SLC67A2: variants seen among roughly 807,000 people sequenced by gnomAD.
SLC67A2 encodes the protein solute carrier family 67 member 2.
the SLC67A2 span, chr2:102,727,003 C>T: frequency 2.5e-6 from 4 of 1,606,952 alleles, no homozygotes; most frequent in African/African-American, 1.3e-5. Flanking sequence ...AGCCCTTGGA[C>T]CCCATTCACA....
At chr2:102,728,124 A>T in the SLC67A2 span, among the ~76,000 whole-genome samples, 117,402 of 151,542 alleles carry the variant, frequency 0.77, 45,350 homozygotes, top group Admixed American at 0.8. Flanking sequence ...TGGGTGAAGC[A>T]ATGTTTGAAA....
the SLC67A2 span, chr2:102,723,779 G>A: frequency 2.5e-6 from 4 of 1,614,160 alleles, no homozygotes; most frequent in East Asian, 4.5e-5. Context: ...GATAGCCACC[G>A]ACCACGGGGC....
the SLC67A2 span, chr2:102,732,186 T>G: frequency 2.5e-6 from 2 of 799,828 alleles, no homozygotes; most frequent in Non-Finnish European, 4.4e-6. Flanking sequence ...TTTTAAAATA[T>G]TCTGGAAATT....
chr2:102,732,390 A>G, the SLC67A2 span: 1 of 1,612,240 alleles, frequency 6.2e-7, no homozygotes, highest in Non-Finnish European at 8.5e-7. Flanking sequence ...AGGCACAACC[A>G]TGCTGACACC....
chr2:102,723,274 A>T, the SLC67A2 span, among the ~76,000 whole-genome samples: 1,436 of 152,312 alleles, frequency 9.4e-3, 32 homozygotes, highest in African/African-American at 0.032. Context: ...GTTCGAGACC[A>T]ACCTGACCAA....
the SLC67A2 span, chr2:102,736,816 CGCCGGCCGGGGGTCGGACGCAGCAGCA>C: frequency 6.3e-7 from 1 of 1,596,194 alleles, no homozygotes; most frequent in Non-Finnish European, 8.6e-7. Context: ...TCCATACCCG[CGCCGGCCGGGGGTCGGACGCAGCAGCA>C]GCCGCGGACC....
chr2:102,726,527 T>C, the SLC67A2 span, among the ~76,000 whole-genome samples: 2 of 152,054 alleles, frequency 1.3e-5, no homozygotes, highest in Non-Finnish European at 2.9e-5. Context: ...CAACTGCCAT[T>C]GTAATTAGCA....
At chr2:102,716,715 C>T in the SLC67A2 span, 1 of 152,174 alleles carries the variant, frequency 6.6e-6, no homozygotes, top group Non-Finnish European at 1.5e-5. Flanking sequence ...AAAATATTTA[C>T]AAGTATGCAT....
chr2:102,735,844 GCGCACA>G, the SLC67A2 span, among the ~76,000 whole-genome samples: 4 of 80,330 alleles, frequency 5.0e-5, no homozygotes, highest in African/African-American at 2.2e-4. Context: ...ACACGCGCGC[GCGCACA>G]CACACACACA....
the SLC67A2 span, chr2:102,731,962 GT>G: frequency 2.8e-6 from 1 of 352,532 alleles, no homozygotes; most frequent in Admixed American, 4.4e-5. Context: ...TGTAGATTAT[GT>G]TTCCCTGGTC....
the SLC67A2 span, among the ~76,000 whole-genome samples, chr2:102,721,691 G>A: frequency 6.6e-6 from 1 of 150,630 alleles, no homozygotes; most frequent in South Asian, 2.1e-4. Flanking sequence ...GTCTGTGTGT[G>A]TGTCTGTATG....
chr2:102,720,893 G>A, the SLC67A2 span, among the ~76,000 whole-genome samples: 1 of 152,220 alleles, frequency 6.6e-6, no homozygotes, highest in Non-Finnish European at 1.5e-5. Flanking sequence ...TGGCAAGACT[G>A]GAATGAGAAA....
At chr2:102,726,774 C>T in the SLC67A2 span, 10 of 1,526,244 alleles carry the variant, frequency 6.6e-6, no homozygotes, top group Non-Finnish European at 8.8e-6. Flanking sequence ...CAGGAGGAAG[C>T]GTGCAGTTTC....
At chr2:102,719,257 A>ATACAC in the SLC67A2 span, 7 of 1,551,272 alleles carry the variant, frequency 4.5e-6, no homozygotes, top group South Asian at 8.4e-5. Flanking sequence ...CACTGAATCC[A>ATACAC]TACACTACCT....
At chr2:102,717,697 T>C in the SLC67A2 span, 1 of 152,290 alleles carries the variant, frequency 6.6e-6, no homozygotes, top group Admixed American at 6.5e-5. Flanking sequence ...CAAATTTAGT[T>C]AGCTGTGTAA....
At chr2:102,727,099 A>C in the SLC67A2 span, 28 of 992,074 alleles carry the variant, frequency 2.8e-5, no homozygotes, top group African/African-American at 4.3e-4. Flanking sequence ...TCAGATGCTC[A>C]GTTCCATGAT....
At chr2:102,726,004 A>G in the SLC67A2 span, among the ~76,000 whole-genome samples, 204 of 152,332 alleles carry the variant, frequency 1.3e-3, 1 homozygote, top group African/African-American at 4.7e-3. Context: ...AAGAGAGAAC[A>G]AAGAGCTTCT....
At chr2:102,728,018 G>A in the SLC67A2 span, among the ~76,000 whole-genome samples, 11 of 152,024 alleles carry the variant, frequency 7.2e-5, no homozygotes, top group East Asian at 1.9e-4. Flanking sequence ...CCTGCCCGGC[G>A]TAGCTCCCTT....
At chr2:102,726,810 A>G in the SLC67A2 span, 7 of 1,521,502 alleles carry the variant, frequency 4.6e-6, no homozygotes, top group Non-Finnish European at 6.1e-6. Flanking sequence ...GGGGGAAGCT[A>G]CGTTTGAAAA....
Sources: allele counts gnomAD v4.1 joint callset (sites outside exome capture counted in the v4.1 genomes callset), GRCh38; gene constraint gnomAD v4.1.1; transcripts MANE v1.5; gene names NCBI Gene and HGNC (gene_info 2026-07-23, HGNC 2026-07-21).